The following MAP3K2 variants were observed in gnomAD, a reference collection of about 807,000 sequenced individuals.
MAP3K2 encodes the protein mitogen-activated protein kinase kinase kinase 2, also known as MAP/ERK kinase kinase 2.
A neutral mutation model predicts 80.3 loss-of-function variants in MAP3K2; 24 were observed. That is an observed-to-expected ratio of 0.30 (90% confidence interval 0.22 to 0.42). The LOEUF (loss-of-function observed/expected upper bound fraction) is 0.42. MAP3K2 is among the 10% of genes least tolerant of loss of function. MAP3K2 has a pLI of 1.00. For missense variants in MAP3K2, 608 were observed against 750.1 expected, an observed-to-expected ratio of 0.81 and a Z score of 2.21; for synonymous variants, 244 against 253.7, an observed-to-expected ratio of 0.96 and a Z score of 0.36.
At chr2:127,355,431 AT>A (rs772028077) in intron 1 of MAP3K2, among the ~76,000 whole-genome samples, 1 of 152,160 alleles carries the variant, frequency 6.6e-6, no homozygotes, top group Admixed American at 6.5e-5. Context: ...AATAAAGTGA[AT>A]TTTTTTGTTT....
At chr2:127,365,492 TG>T (rs1258131587) in intron 1 of MAP3K2, among the ~76,000 whole-genome samples, 1 of 152,230 alleles carries the variant, frequency 6.6e-6, no homozygotes, top group Non-Finnish European at 1.5e-5. Context: ...AAAGACTTTC[TG>T]AAGAGTATGG....
At chr2:127,324,668 T>A (rs1686094826) in intron 9 of MAP3K2, among the ~76,000 whole-genome samples, 1 of 152,206 alleles carries the variant, frequency 6.6e-6, no homozygotes, top group Non-Finnish European at 1.5e-5. Context: ...CGTTACTACT[T>A]CCCTGAATTT....
rs180891331 is a variant in MAP3K2, at chr2:127,360,186, A to G, written c.-65-16992T>C. On this transcript the variant is annotated intron_variant, in intron 1 of 16. Coordinates refer to ENST00000682094, the MANE Select transcript of MAP3K2 (RefSeq NM_001371910.2). ...ACAGTAGAATAAATAATATTCAGCA[A>G]TAAACAGAAATAAACTATTGATACA... Among the ~76,000 whole-genome samples the G allele has an allele frequency of 1.8e-3, 272 of 152,374 alleles. 1 individual carries two copies. Among genetic ancestry groups the G allele is most frequent in the Middle Eastern group, 6.8e-3 (2 of 294 alleles).
In MAP3K2 at chr2:127,329,943, C is replaced by G. The variant is rs747806553; in HGVS notation, c.444G>C (p.Arg148Ser). The change falls in exon 7 of 17, where the codon AGG becomes AGC. Residue 148 changes from arginine (R) to serine (S), a missense_variant. Around this residue, in one of 4 missense-constraint regions of MAP3K2, gnomAD observed 467 missense variants for 521.9 expected, o/e 0.89. Transcript: ENST00000682094. Reference sequence around the variant, plus strand: ...TACCTATTATAGATAGCCGTTTTTTCCTCTCTGCTCCAAATACTGTATTAT... The same window carrying G: ...TACCTATTATAGATAGCCGTTTTTTGCTCTCTGCTCCAAATACTGTATTAT... ...DLDNTVFGAE[R>S]KKRLSIIGPT... 2 of 1,604,336 alleles carry G rather than the reference C, an allele frequency of 1.2e-6. No homozygotes were observed. The highest frequency in any genetic ancestry group is 1.7e-6 in the Non-Finnish European group (2 of 1,172,718).
intron 8 of MAP3K2, 62 bp from the exon 9 acceptor site, chr2:127,325,869 A>C: frequency 9.0e-7 from 1 of 1,107,834 alleles, no homozygotes; most frequent in South Asian, 1.3e-5. Flanking sequence ...GCTTATTAAA[A>C]AAACCTGCCT....
rs897010273 is a variant in MAP3K2, at chr2:127,300,639, A to G, written c.*6940T>C. 6 of 152,210 alleles carry G rather than the reference A, an allele frequency of 3.9e-5. No homozygotes were observed. Among genetic ancestry groups the G allele is most frequent in the African/African-American group, 1.2e-4 (5 of 41,464 alleles). The allele number at this position is 152,210 out of a possible 1,614,324, so 9.4% of individuals were successfully genotyped here. ...TTCAGGGTAGCAAATTTTAAAACCA[A>G]TAACAATAGAAAAAATGTAAACCAT... On this transcript the variant is annotated 3_prime_UTR_variant, in exon 17 of 17. Transcript: ENST00000682094.
rs954410026 is a variant in MAP3K2 at position 127,364,483 on chromosome 2, C to T, written c.-65-21289G>A. ...ACCTGGTCATCTTACCATGTATAAA[C>T]GATAATGGAAAAGAATTATCGTCTG... On this transcript the variant is annotated intron_variant, in intron 1 of 16. Coordinates refer to ENST00000682094, the MANE Select transcript of MAP3K2 (RefSeq NM_001371910.2). The surrounding 1 kb of genome is among the most constrained non-coding windows in gnomAD (Gnocchi z 4.1). Among the ~76,000 whole-genome samples, 4 of 152,108 alleles carry T rather than the reference C, an allele frequency of 2.6e-5. No individual in the cohort carries two copies. Among genetic ancestry groups the T allele is most frequent in the Non-Finnish European group, 5.9e-5 (4 of 68,024 alleles).
intron 9 of MAP3K2, among the ~76,000 whole-genome samples, chr2:127,325,154 A>T (rs1028891396): frequency 6.6e-6 from 1 of 152,216 alleles, no homozygotes; most frequent in Non-Finnish European, 1.5e-5. Context: ...TTGCCTTCAA[A>T]CACACAATTT....
At chr2:127,375,421 T>TA (rs1276983999) in intron 1 of MAP3K2, among the ~76,000 whole-genome samples, 2 of 151,044 alleles carry the variant, frequency 1.3e-5, no homozygotes, top group Non-Finnish European at 1.5e-5. Context: ...TTTATTTATT[T>TA]TTTTTTTGAG....
chr2:127,321,523 C>A lies in MAP3K2; in HGVS notation c.1045+523G>T, dbSNP rs1686019687. Among the ~76,000 whole-genome samples, 1 of 152,216 alleles carries A rather than the reference C, an allele frequency of 6.6e-6. No homozygotes were observed. The highest frequency in any genetic ancestry group is 2.1e-4 in the South Asian group (1 of 4,826). ...GTATGCACTGCTTACACAGTAAGGT[C>A]TGAATGCTTTGCAATCCAGCCTGAG... On this transcript the variant is annotated intron_variant, in intron 12 of 16. Coordinates refer to ENST00000682094, the MANE Select transcript of MAP3K2 (RefSeq NM_001371910.2). The surrounding 1 kb of genome is among the most constrained non-coding windows in gnomAD (Gnocchi z 4.4).
At chr2:127,368,660 G>A (rs1460980983) in intron 1 of MAP3K2, among the ~76,000 whole-genome samples, 2 of 151,844 alleles carry the variant, frequency 1.3e-5, no homozygotes, top group Non-Finnish European at 2.9e-5. Context: ...AAAAGGCAAA[G>A]TATTTACATA....
chr2:127,371,405 T>C (rs1306703831), intron 1 of MAP3K2, among the ~76,000 whole-genome samples: 5 of 152,160 alleles, frequency 3.3e-5, no homozygotes, highest in African/African-American at 1.2e-4. Context: ...TGGGACAGAA[T>C]TTCCAAAAGC....
chr2:127,366,927 GT>G (rs1686984053), intron 1 of MAP3K2, among the ~76,000 whole-genome samples: 1 of 132,656 alleles, frequency 7.5e-6, no homozygotes, highest in African/African-American at 2.8e-5. Context: ...CTGGAGTGCA[GT>G]GGCACAATCT....
chr2:127,315,179 T>C (rs561589177), intron 14 of MAP3K2, among the ~76,000 whole-genome samples: 6 of 152,318 alleles, frequency 3.9e-5, no homozygotes, highest in South Asian at 4.1e-4. Flanking sequence ...AAAAGGAGAA[T>C]AGATTTTCTT....
chr2:127,348,994 A>C (rs527637450), intron 1 of MAP3K2, among the ~76,000 whole-genome samples: 3 of 152,302 alleles, frequency 2.0e-5, no homozygotes, highest in Admixed American at 1.3e-4. Context: ...TTACAAAAAC[A>C]ACCATGTTAT....
intron 14 of MAP3K2, among the ~76,000 whole-genome samples, chr2:127,317,158 T>G (rs1685924457): frequency 6.6e-6 from 1 of 151,572 alleles, no homozygotes; most frequent in African/African-American, 2.4e-5. Flanking sequence ...CTGCTCTAGA[T>G]AGTAATCCTA....
At chr2:127,331,059 T>A (rs1307826235) in intron 5 of MAP3K2, among the ~76,000 whole-genome samples, 1 of 152,158 alleles carries the variant, frequency 6.6e-6, no homozygotes, top group Non-Finnish European at 1.5e-5. Context: ...TCTCTGAGCC[T>A]AGTGACCTGA....
intron 2 of MAP3K2, among the ~76,000 whole-genome samples, chr2:127,342,228 A>G (rs541980479): frequency 1.3e-5 from 2 of 152,204 alleles, no homozygotes; most frequent in Non-Finnish European, 2.9e-5. Context: ...TTTGGGCTAC[A>G]AGGGGGCACT....
At chr2:127,348,261 G>A (rs1157874669) in intron 1 of MAP3K2, among the ~76,000 whole-genome samples, 1 of 152,012 alleles carries the variant, frequency 6.6e-6, no homozygotes, top group Non-Finnish European at 1.5e-5. Context: ...GGTGGCAGGA[G>A]CCTGTAATCC....
Sources: allele counts gnomAD v4.1 joint callset (sites outside exome capture counted in the v4.1 genomes callset), GRCh38; gene constraint gnomAD v4.1.1; regional missense constraint gnomAD v4.1.1; non-coding constraint Gnocchi (gnomAD v3.1); transcripts MANE v1.5; gene names NCBI Gene and HGNC (gene_info 2026-07-23, HGNC 2026-07-21).